The following ACTN1 variants were observed in gnomAD, a reference collection of about 807,000 sequenced individuals.
ACTN1 encodes the protein alpha-actinin-1.
ACTN1 carries 30 observed loss-of-function variants against 119.6 expected under a neutral mutation model. That is an observed-to-expected ratio of 0.25 (90% confidence interval 0.19 to 0.34). The LOEUF is 0.34. ACTN1 is among the 10% of genes least tolerant of loss of function. The probability of loss-of-function intolerance (pLI) is 1.00; values close to 1 mark genes in which losing one functional copy is unlikely to be tolerated. For synonymous variants in ACTN1, 429 were observed against 472.6 expected, an observed-to-expected ratio of 0.91 and a Z score of 1.20; for missense variants, 764 against 1,223.4, an observed-to-expected ratio of 0.62 and a Z score of 5.60.
intron 8 of ACTN1, among the ~76,000 whole-genome samples, chr14:68,898,743 C>T (rs1250085610): frequency 6.6e-6 from 1 of 152,040 alleles, no homozygotes; most frequent in Non-Finnish European, 1.5e-5. Flanking sequence ...ACCACCACTA[C>T]CACCAACCCA....
chr14:68,916,259 ACT>A lies in ACTN1; in HGVS notation c.341-4019_341-4018del, dbSNP rs571011848. On this transcript the variant is annotated intron_variant, in intron 3 of 21. Coordinates refer to ENST00000394419, the MANE Select transcript of ACTN1 (RefSeq NM_001130004.2). ...CCCTTGGTCCCCCACATGCTGCCCC[ACT>A]CTGTGACGGCCAAACTCCAGGGCCT... Among the ~76,000 whole-genome samples, 505 of 151,940 alleles carry A rather than the reference ACT, an allele frequency of 3.3e-3. 11 individuals carry two copies. The highest frequency in any genetic ancestry group is 9.9e-4 in the Non-Finnish European group (67 of 67,934).
chr14:68,887,129 C>T (rs549601027), intron 11 of ACTN1: 71 of 170,320 alleles, frequency 4.2e-4, no homozygotes, highest in African/African-American at 1.6e-3. Flanking sequence ...AGCTTAAAAT[C>T]GGGAAGCAAA....
Position 68,881,041 on chromosome 14 carries a change from A to T in ACTN1, c.1954-52T>A, listed in dbSNP as rs767173947. ...TCAGACCACCTCACTCTGCTCCCAT[A>T]GGGTGGGGACTGGGGCCTCCAAAAT... On this transcript the variant is annotated intron_variant, in intron 16 of 21. Coordinates refer to ENST00000394419, the MANE Select transcript of ACTN1 (RefSeq NM_001130004.2). 21 of 1,589,110 alleles carry T rather than the reference A, an allele frequency of 1.3e-5. No individual in the cohort carries two copies. In the African/African-American group the frequency reaches 2.8e-4, roughly 21 times the overall value.
At chr14:68,916,435 G>A (rs193082998) in intron 3 of ACTN1, among the ~76,000 whole-genome samples, 31 of 152,268 alleles carry the variant, frequency 2.0e-4, no homozygotes, top group Admixed American at 4.6e-4. Context: ...TTTGCTTACT[G>A]AATTCTCATT....
At chr14:68,954,932 A>C (rs1440690221) in intron 1 of ACTN1, among the ~76,000 whole-genome samples, 1 of 152,114 alleles carries the variant, frequency 6.6e-6, no homozygotes, top group Non-Finnish European at 1.5e-5. Context: ...AGTGTCCTGG[A>C]GATCCTTTTT....
At chr14:68,961,557 C>T (rs1021062974) in intron 1 of ACTN1, among the ~76,000 whole-genome samples, 4 of 151,912 alleles carry the variant, frequency 2.6e-5, no homozygotes, top group South Asian at 2.1e-4. Context: ...GGGCACAGGG[C>T]GCGGGGGCAC....
chr14:68,978,412 G>C (rs2037145521), intron 1 of ACTN1: 1 of 350,878 alleles, frequency 2.8e-6, no homozygotes, highest in South Asian at 2.1e-5. Context: ...AGGCAGATCC[G>C]GAGGCGGCCG....
intron 1 of ACTN1, chr14:68,936,943 A>T: frequency 2.0e-6 from 1 of 498,140 alleles, no homozygotes. Context: ...CCTGTCCTCT[A>T]CAGAGGAAAA....
In ACTN1 at chr14:68,912,195, T is replaced by C. The variant is rs1181647292; in HGVS notation, c.388A>G (p.Ile130Val). Residue 130 changes from isoleucine to valine, a missense_variant, in exon 4 of 22, where the codon ATC becomes GTC. Physicochemically the swap from Ile to Val is conservative, Grantham distance 29. This residue lies in a region of ACTN1 where 54 missense variants were observed against 153.2 expected (regional missense o/e 0.35). Coordinates refer to ENST00000394419, the MANE Select transcript of ACTN1 (RefSeq NM_001130004.2). ...VKMTLGMIWT[I>V]ILRFAIQDIS... Reference sequence around the variant, plus strand: ...TCCTGGATGGCAAAGCGCAGGATGATGGTCCAGATCATGCCCAGGGTCATC... The same window carrying C: ...TCCTGGATGGCAAAGCGCAGGATGACGGTCCAGATCATGCCCAGGGTCATC... The C allele has an allele frequency of 6.2e-7, 1 of 1,614,000 alleles. No homozygotes were observed. The highest frequency in any genetic ancestry group is 2.2e-5 in the East Asian group (1 of 44,880).
intron 3 of ACTN1, 48 bp from the exon 4 acceptor site, chr14:68,912,290 A>C: frequency 6.7e-7 from 1 of 1,486,204 alleles, no homozygotes; most frequent in Non-Finnish European, 9.4e-7. Context: ...CAGCGGGGAC[A>C]GAATTAACAC....
intron 3 of ACTN1, 21 bp from the exon 4 acceptor site, chr14:68,912,263 C>T: frequency 1.2e-6 from 2 of 1,608,706 alleles, no homozygotes; most frequent in Non-Finnish European, 1.7e-6. Flanking sequence ...AGCAGCAGCA[C>T]ACATCAGAAA....
chr14:68,902,457 G>A lies in ACTN1; in HGVS notation c.762+20C>T, dbSNP rs910697937. On this transcript the variant is annotated intron_variant, in intron 8 of 21. Transcript: ENST00000394419. ...GCAGGAGGTGTGCTGGGCATGGAAGGAGCAGGGGGCCCCGGGTACCTTCTG... is the reference window on the plus strand; with the variant it reads ...GCAGGAGGTGTGCTGGGCATGGAAGAAGCAGGGGGCCCCGGGTACCTTCTG... 3 of 1,608,718 alleles carry A rather than the reference G, an allele frequency of 1.9e-6. No individual in the cohort carries two copies. The highest frequency in any genetic ancestry group is 1.1e-5 in the South Asian group (1 of 90,956).
At position 68,979,236 on chromosome 14, in the gene ACTN1, A is replaced by G; in HGVS notation, c.-180T>C. ...GGCGAAGGCTGCTACTGGCGGCGAC[A>G]GCGGCGGCTGGGCTCGCGGACTGCC... On this transcript the variant is annotated 5_prime_UTR_variant, in exon 1 of 22. Coordinates refer to ENST00000394419, the MANE Select transcript of ACTN1 (RefSeq NM_001130004.2). 1 of 429,256 alleles carries G rather than the reference A, an allele frequency of 2.3e-6. No individual in the cohort carries two copies. The highest frequency in any genetic ancestry group is 4.1e-6 in the Non-Finnish European group (1 of 246,564). 26.6% of individuals were successfully genotyped at this position (429,256 alleles called of 1,614,324 possible).
chr14:68,902,674 G>A (rs984929087), intron 7 of ACTN1, 112 bp from the exon 8 acceptor site: 4 of 869,724 alleles, frequency 4.6e-6, no homozygotes, highest in South Asian at 2.9e-5. Flanking sequence ...CCAAAATGTG[G>A]AGCCCGAATC....
chr14:68,897,789 G>A (rs995541635), intron 8 of ACTN1, among the ~76,000 whole-genome samples: 3 of 152,230 alleles, frequency 2.0e-5, no homozygotes, highest in African/African-American at 7.2e-5. Context: ...CTCAGACCAG[G>A]CATCCGAGCT....
chr14:68,875,192 T>A, intron 21 of ACTN1, 175 bp from the exon 22 acceptor site: 4 of 1,470,646 alleles, frequency 2.7e-6, no homozygotes, highest in Non-Finnish European at 3.6e-6. Flanking sequence ...ACATACCGCA[T>A]ACACAACATG....
intron 3 of ACTN1, among the ~76,000 whole-genome samples, 171 bp from the exon 4 acceptor site, chr14:68,912,413 C>T (rs2034059886): frequency 1.3e-5 from 2 of 152,168 alleles, no homozygotes; most frequent in South Asian, 4.1e-4. Context: ...GGTTTTCGCT[C>T]TGTCACCCAA....
intron 14 of ACTN1, 97 bp downstream of exon 14, chr14:68,884,071 G>GA: frequency 7.8e-7 from 1 of 1,278,270 alleles, no homozygotes; most frequent in Non-Finnish European, 1.1e-6. Context: ...TCCTTAGGAT[G>GA]CTCTTCCTCA....
At chr14:68,903,543 A>C (rs1383886068) in intron 7 of ACTN1, among the ~76,000 whole-genome samples, 3 of 151,912 alleles carry the variant, frequency 2.0e-5, no homozygotes, top group African/African-American at 7.2e-5. Flanking sequence ...TCTCAAAAAA[A>C]AAAAAAAGCC....
Sources: allele counts gnomAD v4.1 joint callset (sites outside exome capture counted in the v4.1 genomes callset), GRCh38; gene constraint gnomAD v4.1.1; regional missense constraint gnomAD v4.1.1; transcripts MANE v1.5; gene names NCBI Gene and HGNC (gene_info 2026-07-23, HGNC 2026-07-21).